Variants in CADM1 observed in about 807,000 individuals in gnomAD.
CADM1 encodes cell adhesion molecule 1.
In CADM1, 15 loss-of-function variants were observed where a neutral mutation model predicts 53.1. The ratio of observed to expected loss-of-function variants is 0.28; its 90% CI spans 0.19 to 0.44. The LOEUF (loss-of-function observed/expected upper bound fraction) is 0.44, where lower values mean the gene tolerates loss of function less well. Ranked by LOEUF, CADM1 falls within the 20% of genes least tolerant of loss-of-function variation. The pLI, the probability that CADM1 is intolerant of heterozygous loss-of-function variation, is 1.00. For synonymous variants in CADM1, 281 were observed against 243.0 expected (o/e 1.16, Z -1.45); for missense variants, 434 against 611.3 (o/e 0.71, Z 3.06).
rs183811078 is a variant in CADM1, at chr11:115,429,636, G to C, written c.124+74635C>G. 1.3e-3 allele frequency among the ~76,000 whole-genome samples: 190 copies of C among 151,744 alleles called. 1 individual carries two copies. The Middle Eastern group carries it at 0.031, about 25-fold the overall frequency. ...CGAAGTCATTTATTTAAGTAACATTGAAATCAAACATTGTTTTTCAAAGGC... is the reference window on the plus strand; with the variant it reads ...CGAAGTCATTTATTTAAGTAACATTCAAATCAAACATTGTTTTTCAAAGGC... On this transcript the variant is annotated intron_variant, in intron 1 of 11. Transcript: ENST00000331581.
At chr11:115,233,857 C>G (rs1383929567) in intron 3 of CADM1, among the ~76,000 whole-genome samples, 1 of 152,042 alleles carries the variant, frequency 6.6e-6, no homozygotes. Context: ...GAAGGTGGCT[C>G]TCTTAGTATG....
chr11:115,278,704 T>TG (rs1201736304), intron 1 of CADM1, among the ~76,000 whole-genome samples: 5 of 152,080 alleles, frequency 3.3e-5, no homozygotes, highest in Non-Finnish European at 7.4e-5. Context: ...GGGTGGGAAA[T>TG]GCGGACCATG....
chr11:115,323,227 ATCT>A (rs1328412941), intron 1 of CADM1, among the ~76,000 whole-genome samples: 1 of 152,164 alleles, frequency 6.6e-6, no homozygotes, highest in Non-Finnish European at 1.5e-5. Flanking sequence ...TGATGTGTTT[ATCT>A]TCTTTAGATA....
intron 1 of CADM1, among the ~76,000 whole-genome samples, chr11:115,264,084 C>CGTA (rs1565332553): frequency 6.6e-6 from 1 of 152,112 alleles, no homozygotes; most frequent in African/African-American, 2.4e-5. Flanking sequence ...GCCTCCACCC[C>CGTA]GTATGTTTAA....
At chr11:115,488,001 T>C (rs1949414117) in intron 1 of CADM1, among the ~76,000 whole-genome samples, 1 of 149,306 alleles carries the variant, frequency 6.7e-6, no homozygotes, top group Non-Finnish European at 1.5e-5. Context: ...GGTTAATGCC[T>C]CTAACTTAAA....
chr11:115,430,723 C>A (rs2135294778), intron 1 of CADM1, among the ~76,000 whole-genome samples: 1 of 152,192 alleles, frequency 6.6e-6, no homozygotes, highest in South Asian at 2.1e-4. Flanking sequence ...GCCGCAGGAC[C>A]AGAGATTTGG....
At chr11:115,450,377 T>C (rs1468438005) in intron 1 of CADM1, among the ~76,000 whole-genome samples, 1 of 152,212 alleles carries the variant, frequency 6.6e-6, no homozygotes, top group African/African-American at 2.4e-5. Flanking sequence ...ACTTCATTCA[T>C]AGCCTTTATT....
intron 1 of CADM1, among the ~76,000 whole-genome samples, chr11:115,411,866 A>C (rs1947468174): frequency 6.6e-6 from 1 of 152,190 alleles, no homozygotes; most frequent in African/African-American, 2.4e-5. Context: ...AAATTAAAAC[A>C]CAGGAAAGGC....
At chr11:115,328,690 GTGTA>G (rs1185366423) in intron 1 of CADM1, among the ~76,000 whole-genome samples, 1 of 26,656 alleles carries the variant, frequency 3.8e-5, no homozygotes, top group African/African-American at 2.6e-4. Flanking sequence ...GTATATATAT[GTGTA>G]TATATATGTA....
intron 10 of CADM1, among the ~76,000 whole-genome samples, chr11:115,185,172 G>A (rs1939485852): frequency 6.6e-6 from 1 of 152,176 alleles, no homozygotes. Flanking sequence ...ATAGGGACCT[G>A]GTGTTTGCCA....
intron 1 of CADM1, among the ~76,000 whole-genome samples, chr11:115,460,054 C>G (rs140077571): frequency 6.6e-6 from 1 of 152,218 alleles, no homozygotes; most frequent in African/African-American, 2.4e-5. Context: ...CACCTAGCAC[C>G]CTTTTTTTCT....
At chr11:115,222,183 C>T (rs868858032) in intron 5 of CADM1, among the ~76,000 whole-genome samples, 8 of 152,240 alleles carry the variant, frequency 5.3e-5, no homozygotes, top group Middle Eastern at 3.4e-3. Flanking sequence ...GTCTGGGTAG[C>T]GGGTCTGGGT....
intron 1 of CADM1, among the ~76,000 whole-genome samples, chr11:115,250,055 C>T (rs1013135722): frequency 3.3e-5 from 5 of 152,128 alleles, no homozygotes; most frequent in Admixed American, 2.0e-4. Context: ...CAGGCGCCCG[C>T]CACCACCCTG....
chr11:115,283,248 A>T (rs1661654518), intron 1 of CADM1, among the ~76,000 whole-genome samples: 2 of 152,190 alleles, frequency 1.3e-5, no homozygotes, highest in East Asian at 3.9e-4. Flanking sequence ...GTGATGGTAG[A>T]TCTGTGCCTG....
At chr11:115,221,685 C>T (rs538443103) in intron 5 of CADM1, among the ~76,000 whole-genome samples, 7 of 152,270 alleles carry the variant, frequency 4.6e-5, no homozygotes, top group Admixed American at 6.5e-5. Context: ...AATGAAAAGA[C>T]ACAGTCTCCT....
intron 1 of CADM1, among the ~76,000 whole-genome samples, chr11:115,465,984 C>T (rs1948891903): frequency 6.6e-6 from 1 of 152,142 alleles, no homozygotes; most frequent in Non-Finnish European, 1.5e-5. Flanking sequence ...ATGTATTCAA[C>T]CCATAATGGA....
intron 1 of CADM1, among the ~76,000 whole-genome samples, chr11:115,320,422 T>C (rs1046925345): frequency 6.6e-6 from 1 of 152,142 alleles, no homozygotes; most frequent in Non-Finnish European, 1.5e-5. Flanking sequence ...ATACCAATGA[T>C]TTTGCAGTAA....
chr11:115,461,655 G>T (rs1240537462), intron 1 of CADM1, among the ~76,000 whole-genome samples: 1 of 152,192 alleles, frequency 6.6e-6, no homozygotes, highest in African/African-American at 2.4e-5. Context: ...AAAAAGAAAT[G>T]AATATGGATG....
chr11:115,347,905 T>G (rs986622375), intron 1 of CADM1, among the ~76,000 whole-genome samples: 10 of 152,136 alleles, frequency 6.6e-5, no homozygotes, highest in Admixed American at 6.6e-5. Flanking sequence ...ACAATTACAA[T>G]CTGTTTGAAG....
Sources: gnomAD v4.1 joint callset for allele counts (sites outside exome capture counted in the v4.1 genomes callset) on GRCh38, gnomAD v4.1.1 for gene constraint, MANE v1.5 for transcripts, NCBI Gene and HGNC (gene_info 2026-07-23, HGNC 2026-07-21) for gene names.